Variants in PTPN4 observed in about 807,000 individuals in gnomAD.
PTPN4 encodes tyrosine-protein phosphatase non-receptor type 4.
Under a neutral mutation model 135.5 loss-of-function variants are expected in PTPN4, and 49 were observed. The observed-to-expected ratio is 0.36, with a 90% CI of 0.29 to 0.46. PTPN4 has a LOEUF of 0.46. Ranked by LOEUF, PTPN4 falls within the 20% of genes least tolerant of loss-of-function variation. The pLI, the probability that PTPN4 is intolerant of heterozygous loss-of-function variation, is 1.00. For missense variants in PTPN4, 860 were observed against 1,101.0 expected (o/e 0.78, Z 3.10); for synonymous variants, 333 against 369.9 (o/e 0.90, Z 1.14).
intron 1 of PTPN4, among the ~76,000 whole-genome samples, chr2:119,770,333 T>A (rs1179822323): frequency 6.6e-6 from 1 of 152,236 alleles, no homozygotes; most frequent in Non-Finnish European, 1.5e-5. Context: ...TTACCATAAT[T>A]CTCAGACTTG....
chr2:119,959,422 T>A (rs1310012658), intron 22 of PTPN4, among the ~76,000 whole-genome samples: 1 of 152,244 alleles, frequency 6.6e-6, no homozygotes, highest in Non-Finnish European at 1.5e-5. Context: ...TAGGTCCACA[T>A]CCTTTATGTG....
intron 2 of PTPN4, among the ~76,000 whole-genome samples, chr2:119,838,118 T>C (rs891531062): frequency 6.6e-6 from 1 of 152,264 alleles, no homozygotes; most frequent in Non-Finnish European, 1.5e-5. Flanking sequence ...AAAGGGAAAA[T>C]GTGAACACTT....
At chr2:119,876,493 G>A (rs1677984867) in intron 3 of PTPN4, among the ~76,000 whole-genome samples, 1 of 152,042 alleles carries the variant, frequency 6.6e-6, no homozygotes, top group Non-Finnish European at 1.5e-5. Context: ...AAATCTATGT[G>A]TTCTGCCTGG....
In PTPN4 at chr2:119,882,580, C is replaced by T; in HGVS notation, c.544C>T (p.Gln182Ter). ...TTATTCTTTCATTCCTAATCAACCTCAAGATTTTGAAAAAGAAATTGCAAA... is the reference window on the plus strand; with the variant it reads ...TTATTCTTTCATTCCTAATCAACCTTAAGATTTTGAAAAAGAAATTGCAAA... ...SDYSFIPNQP[Q>*]DFEKEIAKLH... The change falls in exon 8 of 27, where the codon CAA becomes TAA. Residue 182 changes from glutamine (Q) to a stop codon, truncating the protein, a stop_gained. Transcript: ENST00000263708. LOFTEE classifies it high-confidence loss of function. 1 of 1,563,178 alleles carries T rather than the reference C, an allele frequency of 6.4e-7. No homozygotes were observed. Among genetic ancestry groups the T allele is most frequent in the Non-Finnish European group, 8.7e-7 (1 of 1,146,170 alleles).
chr2:119,830,699 C>A (rs1432720204), intron 2 of PTPN4, among the ~76,000 whole-genome samples: 2 of 152,108 alleles, frequency 1.3e-5, no homozygotes, highest in Non-Finnish European at 2.9e-5. Context: ...AGCTCCTGAC[C>A]TCAAGTGAGC....
intron 5 of PTPN4, among the ~76,000 whole-genome samples, chr2:119,881,339 A>G (rs948757105): frequency 6.6e-6 from 1 of 152,206 alleles, no homozygotes; most frequent in Non-Finnish European, 1.5e-5. Context: ...TGATAAAATG[A>G]TCAAAACGCT....
chr2:119,905,616 C>T (rs977573289), intron 10 of PTPN4, among the ~76,000 whole-genome samples: 4 of 152,126 alleles, frequency 2.6e-5, no homozygotes, highest in Admixed American at 2.6e-4. Context: ...CCAAAGGAAC[C>T]TAATAAACAT....
intron 2 of PTPN4, among the ~76,000 whole-genome samples, chr2:119,814,801 T>A (rs977488213): frequency 2.5e-4 from 38 of 152,150 alleles, no homozygotes; most frequent in Non-Finnish European, 4.0e-4. Flanking sequence ...TACCAAACTT[T>A]AAAAAATAAA....
intron 1 of PTPN4, among the ~76,000 whole-genome samples, chr2:119,802,702 C>T (rs1691398405): frequency 6.6e-6 from 1 of 152,010 alleles, no homozygotes; most frequent in Admixed American, 6.6e-5. Context: ...TCTGTTTTTT[C>T]CATCAGGATA....
intron 8 of PTPN4, among the ~76,000 whole-genome samples, chr2:119,884,090 G>A (rs1574386809): frequency 6.6e-6 from 1 of 152,162 alleles, no homozygotes; most frequent in East Asian, 1.9e-4. Flanking sequence ...AATAGAGATG[G>A]GGTTTCACCG....
intron 3 of PTPN4, among the ~76,000 whole-genome samples, chr2:119,867,135 G>A (rs767258663): frequency 6.6e-6 from 1 of 152,124 alleles, no homozygotes; most frequent in Admixed American, 6.6e-5. Flanking sequence ...GGTAAAAGAT[G>A]AGATTTGAGC....
intron 1 of PTPN4, among the ~76,000 whole-genome samples, chr2:119,806,254 A>G (rs1691465060): frequency 6.6e-6 from 1 of 152,224 alleles, no homozygotes; most frequent in Non-Finnish European, 1.5e-5. Context: ...TAAATTGGCT[A>G]AATGCCCCAA....
chr2:119,845,796 A>G (rs1677489833), intron 2 of PTPN4, among the ~76,000 whole-genome samples: 1 of 151,750 alleles, frequency 6.6e-6, no homozygotes, highest in Non-Finnish European at 1.5e-5. Flanking sequence ...GATTCTTTAT[A>G]TGAGATCTTT....
chr2:119,899,632 A>G (rs1678375394), intron 9 of PTPN4, among the ~76,000 whole-genome samples: 1 of 152,198 alleles, frequency 6.6e-6, no homozygotes, highest in Admixed American at 6.5e-5. Flanking sequence ...GGGAGCAGAT[A>G]GGCTAATAGG....
chr2:119,932,438 C>A lies in PTPN4; in HGVS notation c.1085C>A (p.Pro362His). 1 of 1,607,380 alleles carries A rather than the reference C, an allele frequency of 6.2e-7. No homozygotes were observed. The highest frequency in any genetic ancestry group is 8.5e-7 in the Non-Finnish European group (1 of 1,176,456). Residue 362 changes from proline to histidine, a missense_variant, in exon 14 of 27, where the codon CCC becomes CAC. By Grantham distance (77) the Pro-to-His change is moderately conservative (BLOSUM62 -2). This residue lies in a region of PTPN4 where 684 missense variants were observed against 807.0 expected (regional missense o/e 0.85). Coordinates refer to ENST00000263708, the MANE Select transcript of PTPN4 (RefSeq NM_002830.4). ...TATTTCTGCAGATCCCCAAGTAAGC[C>A]CTTGGCACGGAAATTAATGGATTGG... ...DRVFARSPSK[P>H]LARKLMDWEV...
rs139029344 is a variant in PTPN4 at position 119,889,411 on chromosome 2, C to T, written c.675+3529C>T. Among the ~76,000 whole-genome samples the T allele has an allele frequency of 3.6e-3, 552 of 152,160 alleles. 3 individuals are homozygous for T. The highest frequency in any genetic ancestry group is 0.013 in the African/African-American group (530 of 41,508). ...CTCCAGCCTGGGCGACAGAGAGAGA[C>T]TCTGTCTCAAAAAGAAAAAAAAAGT... On this transcript the variant is annotated intron_variant, in intron 9 of 26. Coordinates refer to ENST00000263708, the MANE Select transcript of PTPN4 (RefSeq NM_002830.4).
intron 16 of PTPN4, among the ~76,000 whole-genome samples, 161 bp from the exon 17 acceptor site, chr2:119,946,180 T>A (rs1334188746): frequency 1.3e-5 from 2 of 152,156 alleles, no homozygotes; most frequent in African/African-American, 4.8e-5. Context: ...TGCAAGTTAT[T>A]AGTCAAAGAA....
At chr2:119,943,570 T>A (rs991838079) in intron 15 of PTPN4, among the ~76,000 whole-genome samples, 4 of 144,020 alleles carry the variant, frequency 2.8e-5, no homozygotes, top group African/African-American at 1.0e-4. Flanking sequence ...ATAAGCTGTT[T>A]CATTTTTTTC....
At chr2:119,789,830 C>T (rs938242481) in intron 1 of PTPN4, among the ~76,000 whole-genome samples, 1 of 152,102 alleles carries the variant, frequency 6.6e-6, no homozygotes, top group African/African-American at 2.4e-5. Flanking sequence ...TCAAGTGATT[C>T]TCCTGCCTCA....
Sources: gnomAD v4.1 joint callset for allele counts (sites outside exome capture counted in the v4.1 genomes callset) on GRCh38, gnomAD v4.1.1 for gene constraint, gnomAD v4.1.1 regional missense constraint, MANE v1.5 for transcripts, NCBI Gene and HGNC (gene_info 2026-07-23, HGNC 2026-07-21) for gene names.